SULF1: variants seen among roughly 807,000 people sequenced by gnomAD.
The protein encoded by SULF1 is extracellular sulfatase Sulf-1.
SULF1 carries 46 observed loss-of-function variants against 110.5 expected under a neutral mutation model. The ratio of observed to expected loss-of-function variants is 0.42; its 90% confidence interval spans 0.33 to 0.53. SULF1 has a LOEUF of 0.53. Ranked by LOEUF, SULF1 falls within the 20% of genes least tolerant of loss-of-function variation. The pLI is 0.12. For missense variants in SULF1, 941 were observed against 1,094.2 expected (o/e 0.86, Z 1.98); for synonymous variants, 371 against 387.1 (o/e 0.96, Z 0.49).
At chr8:69,486,310 C>T (rs1011187269) in intron 1 of SULF1, among the ~76,000 whole-genome samples, 3 of 122,416 alleles carry the variant, frequency 2.5e-5, no homozygotes, top group African/African-American at 1.2e-4. Flanking sequence ...AGTAAAGAAA[C>T]CAGGCTTTTT....
intron 8 of SULF1, among the ~76,000 whole-genome samples, chr8:69,599,734 T>C (rs1363001556): frequency 6.6e-6 from 1 of 152,174 alleles, no homozygotes; most frequent in Non-Finnish European, 1.5e-5. Context: ...AGGGTGAGAA[T>C]TGCCATAGCA....
chr8:69,597,241 C>A (rs1807413420), intron 8 of SULF1: 1 of 152,240 alleles, frequency 6.6e-6, no homozygotes, highest in South Asian at 2.1e-4. Flanking sequence ...AGGGGGCAAC[C>A]ACAGGCCTTT....
intron 3 of SULF1, among the ~76,000 whole-genome samples, chr8:69,520,169 A>G (rs1191331327): frequency 1.3e-5 from 2 of 150,360 alleles, no homozygotes; most frequent in Admixed American, 6.6e-5. Flanking sequence ...CACTGTGTCT[A>G]TTTCATAGGT....
At chr8:69,533,019 C>T (rs1440225532) in intron 3 of SULF1, among the ~76,000 whole-genome samples, 2 of 152,116 alleles carry the variant, frequency 1.3e-5, no homozygotes, top group African/African-American at 4.8e-5. Flanking sequence ...CAAATGAAAA[C>T]CAAGTATGGC....
intron 5 of SULF1, among the ~76,000 whole-genome samples, chr8:69,574,738 AG>A (rs2150741792): frequency 1.3e-5 from 2 of 152,346 alleles, no homozygotes; most frequent in African/African-American, 4.8e-5. Flanking sequence ...TGACTACAAA[AG>A]GTTGCTTGAT....
At chr8:69,490,266 C>A (rs1231577247), upstream of SULF1, among the ~76,000 whole-genome samples, 2 of 151,822 alleles carry the variant, frequency 1.3e-5, no homozygotes, top group Non-Finnish European at 1.5e-5. Context: ...CCACACCTGG[C>A]TAATTTTTTT....
chr8:69,600,506 A>G, intron 8 of SULF1, 97 bp from the exon 9 acceptor site: 1 of 1,233,390 alleles, frequency 8.1e-7, no homozygotes, highest in Non-Finnish European at 1.1e-6. Flanking sequence ...CAGTGTCTCA[A>G]TTATCTCTCC....
chr8:69,470,911 A>G (rs1165670681), intron 1 of SULF1, among the ~76,000 whole-genome samples: 2 of 151,992 alleles, frequency 1.3e-5, no homozygotes, highest in African/African-American at 2.4e-5. Context: ...TTCAGCCCTA[A>G]CCACTCTAGT....
intron 3 of SULF1, among the ~76,000 whole-genome samples, chr8:69,546,235 A>C (rs1323307333): frequency 6.6e-6 from 1 of 152,226 alleles, no homozygotes; most frequent in Non-Finnish European, 1.5e-5. Context: ...TGAAAATGTA[A>C]TTGTTTTCAA....
intron 22 of SULF1, among the ~76,000 whole-genome samples, chr8:69,646,162 G>A (rs1407824054): frequency 6.6e-6 from 1 of 152,116 alleles, no homozygotes. Flanking sequence ...GCAATAGGCA[G>A]ACATTCAAGA....
chr8:69,486,597 G>C (rs1412531022), intron 1 of SULF1, among the ~76,000 whole-genome samples: 1 of 152,178 alleles, frequency 6.6e-6, no homozygotes. Context: ...AAGCTGGCGA[G>C]GAAGAGAAGA....
chr8:69,518,298 C>T (rs1223297674), intron 3 of SULF1, among the ~76,000 whole-genome samples: 4 of 152,116 alleles, frequency 2.6e-5, no homozygotes, highest in African/African-American at 7.2e-5. Context: ...TTCACCTTTT[C>T]GTTAATATGC....
At chr8:69,617,632 T>C (rs1809285658) in intron 13 of SULF1, among the ~76,000 whole-genome samples, 2 of 151,460 alleles carry the variant, frequency 1.3e-5, no homozygotes, top group Non-Finnish European at 2.9e-5. Context: ...ATGAATGCTA[T>C]AATTGGGTCT....
chr8:69,631,537 T>C (rs1586595501), intron 19 of SULF1, among the ~76,000 whole-genome samples: 1 of 152,310 alleles, frequency 6.6e-6, no homozygotes, highest in Admixed American at 6.5e-5. Flanking sequence ...GCCTGGGCGA[T>C]AGAGTGAGAC....
chr8:69,485,512 C>T (rs1020921469), intron 1 of SULF1, among the ~76,000 whole-genome samples: 1 of 152,192 alleles, frequency 6.6e-6, no homozygotes, highest in African/African-American at 2.4e-5. Context: ...CAGGCTCCAG[C>T]CTTAGCCTCA....
intron 8 of SULF1, among the ~76,000 whole-genome samples, chr8:69,590,848 G>A (rs974426548): frequency 4.6e-5 from 7 of 152,252 alleles, no homozygotes; most frequent in Non-Finnish European, 1.0e-4. Flanking sequence ...GTGACAAGTG[G>A]CTCTCCATTA....
At chr8:69,480,911 T>A in intron 1 of SULF1, among the ~76,000 whole-genome samples, 1 of 139,458 alleles carries the variant, frequency 7.2e-6, no homozygotes, top group African/African-American at 2.6e-5. Flanking sequence ...GGGGGAGGGA[T>A]AGCATTAGGA....
At position 69,633,485 on chromosome 8, in the gene SULF1, C is replaced by T. The variant is rs144162451; in HGVS notation, c.2284+3806C>T. On this transcript the variant is annotated intron_variant, in intron 19 of 22. Transcript: ENST00000402687. Reference sequence around the variant, plus strand: ...CTGGGATTACAGGCGGCCACCACCACGCCTAGCTAATTTTTTTGTATTTTT... The same window carrying T: ...CTGGGATTACAGGCGGCCACCACCATGCCTAGCTAATTTTTTTGTATTTTT... Among the ~76,000 whole-genome samples the T allele has an allele frequency of 6.0e-3, 906 of 151,734 alleles. 12 individuals are homozygous for T. Among genetic ancestry groups the T allele is most frequent in the African/African-American group, 0.02 (846 of 41,370 alleles).
intron 19 of SULF1, among the ~76,000 whole-genome samples, chr8:69,631,094 A>G (rs1810504459): frequency 1.3e-5 from 2 of 152,132 alleles, no homozygotes; most frequent in South Asian, 2.1e-4. Context: ...GCTGAAACCT[A>G]AAGGATAGAG....
Sources: gnomAD v4.1 joint callset for allele counts (sites outside exome capture counted in the v4.1 genomes callset) on GRCh38, gnomAD v4.1.1 for gene constraint, MANE v1.5 for transcripts, NCBI Gene and HGNC (gene_info 2026-07-23, HGNC 2026-07-21) for gene names.